The following PDE8A variants were observed in gnomAD, a reference collection of about 807,000 sequenced individuals.
The protein encoded by PDE8A is high affinity cAMP-specific and IBMX-insensitive 3',5'-cyclic phosphodiesterase 8A.
PDE8A carries 59 observed loss-of-function variants against 105.0 expected under a neutral mutation model. That is an observed-to-expected ratio of 0.56 (90% CI 0.46 to 0.70). PDE8A has a LOEUF of 0.70. Among genes scored for constraint, PDE8A ranks in the 30% least tolerant of loss-of-function variants. The pLI is 0.00. For missense variants in PDE8A, 1,014 were observed against 1,045.9 expected, an observed-to-expected ratio of 0.97 and a Z score of 0.42; for synonymous variants, 355 against 371.9, an observed-to-expected ratio of 0.95 and a Z score of 0.52.
intron 1 of PDE8A, among the ~76,000 whole-genome samples, chr15:85,056,174 A>T (rs1274217891): frequency 6.6e-6 from 1 of 152,220 alleles, no homozygotes; most frequent in Non-Finnish European, 1.5e-5. Flanking sequence ...CTGCTGAGAT[A>T]TCAGCTGTTA....
At chr15:85,095,485 A>G (rs2141546875) in intron 8 of PDE8A, among the ~76,000 whole-genome samples, 1 of 152,030 alleles carries the variant, frequency 6.6e-6, no homozygotes, top group Admixed American at 6.6e-5. Flanking sequence ...CTGGGATTAC[A>G]GGCGCCTACC....
In PDE8A at chr15:84,982,290, C is replaced by T; in HGVS notation, c.128C>T (p.Pro43Leu). 4 of 1,383,210 alleles carry T rather than the reference C, an allele frequency of 2.9e-6. No individual in the cohort carries two copies. The East Asian group carries it at 9.0e-5, about 31-fold the overall frequency. The allele number at this position is 1,383,210 out of a possible 1,614,324, so 85.7% of individuals were successfully genotyped here. A position where few individuals can be genotyped will look rare whatever the true frequency, so the allele number is the denominator to read the frequency against. Residue 43 changes from proline (P) to leucine (L), a missense_variant, in exon 1 of 22, where the codon CCC becomes CTC. Coordinates refer to ENST00000394553, the MANE Select transcript of PDE8A (RefSeq NM_002605.3). ...CAGGGCCAGAAGACGGCCGCCTTGCCCCGGACCCGCGGCGCCGGCCTCTTG... is the reference window on the plus strand; with the variant it reads ...CAGGGCCAGAAGACGGCCGCCTTGCTCCGGACCCGCGGCGCCGGCCTCTTG... ...LPQGQKTAAL[P>L]RTRGAGLLES...
At chr15:85,011,553 G>A (rs948250736) in intron 1 of PDE8A, among the ~76,000 whole-genome samples, 4 of 152,102 alleles carry the variant, frequency 2.6e-5, no homozygotes, top group Non-Finnish European at 5.9e-5. Flanking sequence ...TTGCCTAAAA[G>A]GGAAGCTTCA....
chr15:85,077,385 T>C lies in PDE8A; in HGVS notation c.546+598T>C, dbSNP rs193010509. Reference sequence around the variant, plus strand: ...GCCTTAGGAATCATACAGAGAGAACTTAAATAAGGCTGACCCTTGGGCAGA... The same window carrying C: ...GCCTTAGGAATCATACAGAGAGAACCTAAATAAGGCTGACCCTTGGGCAGA... On this transcript the variant is annotated intron_variant, in intron 5 of 21. Transcript: ENST00000394553. Among the ~76,000 whole-genome samples, 48 of 152,298 alleles carry C rather than the reference T, an allele frequency of 3.2e-4. No homozygotes were observed. The East Asian group carries it at 7.9e-3, about 25-fold the overall frequency.
chr15:85,094,544 C>G (rs2081708058), intron 8 of PDE8A, among the ~76,000 whole-genome samples: 1 of 152,220 alleles, frequency 6.6e-6, no homozygotes, highest in Non-Finnish European at 1.5e-5. Flanking sequence ...CTACTATCAT[C>G]TTAATTGTCT....
intron 1 of PDE8A, among the ~76,000 whole-genome samples, chr15:85,008,493 C>G (rs2080185264): frequency 1.3e-5 from 2 of 151,998 alleles, no homozygotes; most frequent in African/African-American, 2.4e-5. Context: ...TGAAGTCATT[C>G]TAGTTCCACA....
intron 17 of PDE8A, chr15:85,120,425 C>T (rs967776428): frequency 6.4e-6 from 1 of 155,754 alleles, no homozygotes; most frequent in Admixed American, 6.5e-5. Flanking sequence ...GTAAGTGGTG[C>T]CTATTTTAAA....
At chr15:85,101,787 G>T (rs941717165) in intron 11 of PDE8A, among the ~76,000 whole-genome samples, 1 of 152,214 alleles carries the variant, frequency 6.6e-6, no homozygotes, top group Non-Finnish European at 1.5e-5. Flanking sequence ...TGGGACTAGA[G>T]AGAGAAAAGC....
At chr15:85,121,065 C>T (rs1210642905) in intron 18 of PDE8A, 51 bp downstream of exon 18, 2 of 1,120,376 alleles carry the variant, frequency 1.8e-6, no homozygotes, top group Admixed American at 4.1e-5. Context: ...CTTTTTTAAA[C>T]AGCTATATTG....
Position 84,991,290 on chromosome 15 carries a change from A to G in PDE8A, c.186+8942A>G, listed in dbSNP as rs137934798. ...GTATTCAGAGAGGTCCTAAAAGTCAATAAGAAAACAACCGCCCAGTTGAAA... is the reference window on the plus strand; with the variant it reads ...GTATTCAGAGAGGTCCTAAAAGTCAGTAAGAAAACAACCGCCCAGTTGAAA... On this transcript the variant is annotated intron_variant, in intron 1 of 21. Transcript: ENST00000394553. Among the ~76,000 whole-genome samples the G allele has an allele frequency of 1.3e-3, 203 of 152,350 alleles. 1 individual carries two copies. Among genetic ancestry groups the G allele is most frequent in the African/African-American group, 4.5e-3 (186 of 41,572 alleles).
intron 1 of PDE8A, among the ~76,000 whole-genome samples, chr15:85,010,609 G>C (rs2080223847): frequency 6.6e-6 from 1 of 152,186 alleles, no homozygotes; most frequent in African/African-American, 2.4e-5. Flanking sequence ...ATTTATGCCA[G>C]TCATTATGTC....
At chr15:85,022,254 C>CA (rs967858100) in intron 1 of PDE8A, among the ~76,000 whole-genome samples, 26 of 152,264 alleles carry the variant, frequency 1.7e-4, no homozygotes, top group African/African-American at 6.3e-4. Context: ...AGCTAGATCT[C>CA]AGCATTGGTC....
intron 8 of PDE8A, among the ~76,000 whole-genome samples, chr15:85,097,432 G>C (rs766393562): frequency 1.6e-4 from 25 of 152,016 alleles, no homozygotes; most frequent in African/African-American, 6.0e-4. Flanking sequence ...ACTTGAGCTT[G>C]GTCCTGGCTG....
intron 5 of PDE8A, among the ~76,000 whole-genome samples, chr15:85,077,026 A>G (rs2081390491): frequency 6.6e-6 from 1 of 151,506 alleles, no homozygotes; most frequent in South Asian, 2.1e-4. Flanking sequence ...ATCGTACTTA[A>G]AAAAAAAATT....
chr15:85,106,819 C>T (rs891930600), intron 11 of PDE8A, among the ~76,000 whole-genome samples: 3 of 152,186 alleles, frequency 2.0e-5, no homozygotes, highest in Non-Finnish European at 2.9e-5. Context: ...ATCTCTGAGA[C>T]GCTGAAGGAT....
intron 5 of PDE8A, among the ~76,000 whole-genome samples, chr15:85,078,145 CA>C (rs34715649): frequency 0.1 from 12,391 of 119,958 alleles, 1,384 homozygotes; most frequent in African/African-American, 0.3. Context: ...AGTGAAACTG[CA>C]AAAAAAAAAA....
chr15:84,994,127 C>CA (rs1268145752), intron 1 of PDE8A, among the ~76,000 whole-genome samples: 2 of 152,144 alleles, frequency 1.3e-5, no homozygotes, highest in African/African-American at 4.8e-5. Context: ...TATTTTAAGT[C>CA]ACGAATTCAT....
chr15:85,028,792 G>A (rs1325967961), intron 1 of PDE8A, among the ~76,000 whole-genome samples: 1 of 151,138 alleles, frequency 6.6e-6, no homozygotes, highest in African/African-American at 2.4e-5. Flanking sequence ...CTTCCCATCT[G>A]CTCTGTCTTG....
At chr15:85,124,714 T>G (rs1433293298) in intron 19 of PDE8A, among the ~76,000 whole-genome samples, 1 of 152,196 alleles carries the variant, frequency 6.6e-6, no homozygotes, top group African/African-American at 2.4e-5. Context: ...TTCCAAAGAC[T>G]TTTAACAGAG....
Sources: allele counts gnomAD v4.1 joint callset (sites outside exome capture counted in the v4.1 genomes callset), GRCh38; gene constraint gnomAD v4.1.1; transcripts MANE v1.5; gene names NCBI Gene and HGNC (gene_info 2026-07-23, HGNC 2026-07-21).